KIF6: variants seen among roughly 807,000 people sequenced by gnomAD.
KIF6 encodes the protein kinesin family member 6, also known as kinesin-like protein KIF6.
A neutral mutation model predicts 112.7 loss-of-function variants in KIF6; 106 were observed. The ratio of observed to expected loss-of-function variants is 0.94; its 90% CI spans 0.80 to 1.11. The LOEUF (loss-of-function observed/expected upper bound fraction) is 1.11, where lower values mean the gene tolerates loss of function less well. Ranked by LOEUF, KIF6 falls within the 50% of genes least tolerant of loss-of-function variation. The pLI is 0.00. For synonymous variants in KIF6, 339 were observed against 339.9 expected, an observed-to-expected ratio of 1.00 and a Z score of 0.03; for missense variants, 929 against 964.0, an observed-to-expected ratio of 0.96 and a Z score of 0.48.
At chr6:39,615,884 G>A (rs1783490320) in intron 5 of KIF6, among the ~76,000 whole-genome samples, 1 of 152,088 alleles carries the variant, frequency 6.6e-6, no homozygotes, top group Non-Finnish European at 1.5e-5. Flanking sequence ...TGCAGTTGGT[G>A]AGTATACTAA....
At chr6:39,513,559 C>T (rs1302222187) in intron 13 of KIF6, among the ~76,000 whole-genome samples, 1 of 152,206 alleles carries the variant, frequency 6.6e-6, no homozygotes, top group African/African-American at 2.4e-5. Flanking sequence ...CTCTCCATCA[C>T]GTTTCCATCT....
intron 6 of KIF6, among the ~76,000 whole-genome samples, chr6:39,602,955 C>A (rs1276351986): frequency 6.6e-6 from 1 of 152,076 alleles, no homozygotes; most frequent in Non-Finnish European, 1.5e-5. Context: ...TTAACATTTG[C>A]GCATATAGAC....
At chr6:39,508,209 C>G (rs1446081887) in intron 13 of KIF6, among the ~76,000 whole-genome samples, 1 of 151,790 alleles carries the variant, frequency 6.6e-6, no homozygotes, top group Non-Finnish European at 1.5e-5. Context: ...CAGGGGAGTT[C>G]TACGTGCATT....
At position 39,667,314 on chromosome 6, in the gene KIF6, A is replaced by C. The variant is rs184960846; in HGVS notation, c.252-27557T>G. 2.0e-5 allele frequency among the ~76,000 whole-genome samples: 3 copies of C among 152,270 alleles called. No individual in the cohort carries two copies. The East Asian group carries it at 5.8e-4, about 29-fold the overall frequency. ...GGGGTGGGGATGAAGTCAGTCCTGGAATCCAAGGGCCAATGAGCCTGGAGT... is the reference window on the plus strand; with the variant it reads ...GGGGTGGGGATGAAGTCAGTCCTGGCATCCAAGGGCCAATGAGCCTGGAGT... On this transcript the variant is annotated intron_variant, in intron 3 of 22. Transcript: ENST00000287152.
intron 16 of KIF6, among the ~76,000 whole-genome samples, chr6:39,377,412 T>C (rs1766534844): frequency 7.1e-6 from 1 of 140,034 alleles, no homozygotes; most frequent in South Asian, 2.4e-4. Context: ...CTCCTCTCCA[T>C]ATCCTTGGAT....
chr6:39,597,048 T>G (rs1341610642), intron 6 of KIF6, among the ~76,000 whole-genome samples: 2 of 152,042 alleles, frequency 1.3e-5, no homozygotes, highest in African/African-American at 4.8e-5. Flanking sequence ...AAGATAATAT[T>G]AAAGGACAAA....
At chr6:39,631,285 T>C (rs1057188069) in intron 5 of KIF6, among the ~76,000 whole-genome samples, 5 of 152,062 alleles carry the variant, frequency 3.3e-5, no homozygotes, top group Non-Finnish European at 5.9e-5. Flanking sequence ...TTTTCTTGTT[T>C]TTCTTTTACT....
chr6:39,505,343 A>C (rs560141419), intron 13 of KIF6, among the ~76,000 whole-genome samples: 1 of 152,216 alleles, frequency 6.6e-6, no homozygotes, highest in Non-Finnish European at 1.5e-5. Flanking sequence ...ACATACAAAA[A>C]TCAACTCAAG....
intron 16 of KIF6, among the ~76,000 whole-genome samples, chr6:39,379,007 G>A (rs997520445): frequency 6.6e-6 from 1 of 152,132 alleles, no homozygotes; most frequent in African/African-American, 2.4e-5. Flanking sequence ...ATAACATTTC[G>A]GTATCTTTTG....
At chr6:39,586,889 T>C (rs576638011) in intron 7 of KIF6, among the ~76,000 whole-genome samples, 108 of 152,332 alleles carry the variant, frequency 7.1e-4, no homozygotes, top group Middle Eastern at 3.4e-3. Context: ...TCACTCAACA[T>C]GCCTCAGTCT....
intron 3 of KIF6, among the ~76,000 whole-genome samples, chr6:39,674,903 A>G (rs535793898): frequency 6.6e-6 from 1 of 151,632 alleles, no homozygotes; most frequent in Admixed American, 6.6e-5. Flanking sequence ...AGGGATCAAT[A>G]AAAAGTCTTG....
At chr6:39,509,475 A>T (rs1488916202) in intron 13 of KIF6, among the ~76,000 whole-genome samples, 1 of 152,188 alleles carries the variant, frequency 6.6e-6, no homozygotes, top group Non-Finnish European at 1.5e-5. Flanking sequence ...GGAAGCTAAA[A>T]ACCTTGAAAA....
intron 3 of KIF6, among the ~76,000 whole-genome samples, chr6:39,710,945 T>G (rs1789514352): frequency 6.6e-6 from 1 of 151,842 alleles, no homozygotes; most frequent in East Asian, 1.9e-4. Context: ...GAGGATCGTT[T>G]AAGTCCAGCA....
chr6:39,580,841 T>C (rs2150645582), intron 9 of KIF6, among the ~76,000 whole-genome samples: 1 of 152,302 alleles, frequency 6.6e-6, no homozygotes, highest in Non-Finnish European at 1.5e-5. Context: ...TGCATAGTCT[T>C]CCCTGAATGA....
intron 10 of KIF6, among the ~76,000 whole-genome samples, chr6:39,553,455 C>G (rs1311981054): frequency 2.6e-5 from 4 of 152,168 alleles, no homozygotes; most frequent in Non-Finnish European, 5.9e-5. Context: ...AAAATCCAGA[C>G]TGGTTTGCCT....
At chr6:39,634,790 C>T in intron 5 of KIF6, 59 bp downstream of exon 5, 2 of 983,298 alleles carry the variant, frequency 2.0e-6, no homozygotes, top group Non-Finnish European at 3.3e-6. Flanking sequence ...TCAAAGAAAA[C>T]AATTGAAGAG....
chr6:39,624,367 C>T (rs997684257), intron 5 of KIF6, among the ~76,000 whole-genome samples: 63 of 152,132 alleles, frequency 4.1e-4, no homozygotes, highest in Non-Finnish European at 5.9e-5. Flanking sequence ...ATTTTTTTCT[C>T]TATCAGTTGA....
chr6:39,577,978 C>T, intron 10 of KIF6, 78 bp downstream of exon 10: 3 of 982,396 alleles, frequency 3.1e-6, no homozygotes, highest in Non-Finnish European at 3.2e-6. Flanking sequence ...GAGGTGAATT[C>T]ATAACATTAG....
chr6:39,573,895 C>T (rs1204557312), intron 10 of KIF6, among the ~76,000 whole-genome samples: 2 of 152,176 alleles, frequency 1.3e-5, no homozygotes, highest in African/African-American at 2.4e-5. Flanking sequence ...TTGTGCCCCA[C>T]TCAGGGCCTA....
Sources: allele counts gnomAD v4.1 joint callset (sites outside exome capture counted in the v4.1 genomes callset), GRCh38; gene constraint gnomAD v4.1.1; transcripts MANE v1.5; gene names NCBI Gene and HGNC (gene_info 2026-07-23, HGNC 2026-07-21).